TRIO: variants seen among roughly 807,000 people sequenced by gnomAD.
TRIO encodes triple functional domain protein.
Under a neutral mutation model 351.9 loss-of-function variants are expected in TRIO, and 58 were observed. The observed-to-expected ratio is 0.16, with a 90% confidence interval of 0.13 to 0.21. The LOEUF is 0.21. Among genes scored for constraint, TRIO ranks in the 10% least tolerant of loss-of-function variants. The pLI is 1.00. For missense variants in TRIO, 3,201 were observed against 4,027.8 expected (o/e 0.79, Z 5.56); for synonymous variants, 1,758 against 1,595.7 (o/e 1.10, Z -2.42).
At chr5:14,193,942 T>C (rs1175718965) in intron 1 of TRIO, among the ~76,000 whole-genome samples, 1 of 152,196 alleles carries the variant, frequency 6.6e-6, no homozygotes, top group African/African-American at 2.4e-5. Context: ...TACCTGCTCC[T>C]TTCACTAGAC....
chr5:14,439,169 T>G (rs1458463940), intron 34 of TRIO, among the ~76,000 whole-genome samples: 1 of 152,134 alleles, frequency 6.6e-6, no homozygotes, highest in Non-Finnish European at 1.5e-5. Flanking sequence ...GCATGTGCCG[T>G]CATGCCTAGC....
chr5:14,149,654 G>A (rs17232796), intron 1 of TRIO, among the ~76,000 whole-genome samples: 14,923 of 152,162 alleles, frequency 0.098, 776 homozygotes, highest in Middle Eastern at 0.19. Flanking sequence ...GTAAAACCTC[G>A]TTTTGGTGAT....
intron 21 of TRIO, 169 bp from the exon 22 acceptor site, chr5:14,387,269 C>A: frequency 1.7e-6 from 1 of 578,604 alleles, no homozygotes; most frequent in Non-Finnish European, 3.0e-6. Context: ...GATAGCTGGT[C>A]AGGAATCCGG....
At chr5:14,222,109 G>T (rs1017255998) in intron 1 of TRIO, among the ~76,000 whole-genome samples, 2 of 151,032 alleles carry the variant, frequency 1.3e-5, no homozygotes, top group African/African-American at 4.9e-5. Context: ...ACGACTCTCT[G>T]AAGGCTCAGA....
At chr5:14,433,560 A>C (rs897331068) in intron 34 of TRIO, among the ~76,000 whole-genome samples, 10 of 152,344 alleles carry the variant, frequency 6.6e-5, no homozygotes, top group Non-Finnish European at 1.2e-4. Context: ...AGGTGGCGAA[A>C]GGAAAACAGT....
chr5:14,479,658 A>AAT (rs984362443), intron 42 of TRIO, among the ~76,000 whole-genome samples: 7 of 152,152 alleles, frequency 4.6e-5, no homozygotes, highest in African/African-American at 1.4e-4. Context: ...GCCTAAAAAT[A>AAT]ATATATATAT....
At position 14,454,022 on chromosome 5, in the gene TRIO, T is replaced by A. The variant is rs181924788; in HGVS notation, c.5204-6997T>A. Among the ~76,000 whole-genome samples the A allele has an allele frequency of 9.2e-5, 14 of 152,146 alleles. No homozygotes were observed. The East Asian group carries it at 2.7e-3, about 29-fold the overall frequency. ...CTGGCTCACTGCAACCTCTGCCTCC[T>A]GGGTTCAAGCGACTCTCCTGCCTCA... is the stretch of plus-strand genomic sequence containing the variant. On this transcript the variant is annotated intron_variant, in intron 34 of 56. Transcript: ENST00000344204.
intron 16 of TRIO, 106 bp from the exon 17 acceptor site, chr5:14,368,602 A>G: frequency 7.8e-7 from 1 of 1,275,822 alleles, no homozygotes; most frequent in Non-Finnish European, 1.1e-6. Flanking sequence ...AACTGAAGGT[A>G]TTTCCACAAA....
chr5:14,391,531 A>G (rs184879486), intron 27 of TRIO, among the ~76,000 whole-genome samples: 51 of 152,372 alleles, frequency 3.3e-4, no homozygotes, highest in Middle Eastern at 3.4e-3. Flanking sequence ...GTAAACGTAG[A>G]TACAGGTCAT....
chr5:14,406,789 G>T, intron 33 of TRIO, 117 bp downstream of exon 33: 1 of 973,052 alleles, frequency 1.0e-6, no homozygotes, highest in East Asian at 2.7e-5. Flanking sequence ...CAGTTGATAC[G>T]TGCCAGGAGT....
intron 6 of TRIO, among the ~76,000 whole-genome samples, chr5:14,293,817 A>G (rs1223134108): frequency 6.6e-6 from 1 of 152,210 alleles, no homozygotes; most frequent in Non-Finnish European, 1.5e-5. Flanking sequence ...CTAAAACTGT[A>G]TGTTCTATAG....
At chr5:14,275,833 A>G (rs1470158019) in intron 2 of TRIO, among the ~76,000 whole-genome samples, 2 of 147,756 alleles carry the variant, frequency 1.4e-5, no homozygotes, top group East Asian at 1.9e-4. Flanking sequence ...ATATATATAT[A>G]CCAGAGTAAA....
chr5:14,210,869 C>T (rs541966075), intron 1 of TRIO, among the ~76,000 whole-genome samples: 2 of 152,198 alleles, frequency 1.3e-5, no homozygotes, highest in East Asian at 3.9e-4. Context: ...GTCCATCCGT[C>T]CTTATCTTGT....
intron 1 of TRIO, among the ~76,000 whole-genome samples, chr5:14,245,673 C>T (rs368422833): frequency 1.1e-4 from 17 of 152,152 alleles, no homozygotes; most frequent in African/African-American, 3.6e-4. Context: ...GTTTTTGCAC[C>T]GAGTGGACTG....
intron 3 of TRIO, among the ~76,000 whole-genome samples, chr5:14,280,850 A>G (rs1322947836): frequency 6.6e-6 from 1 of 152,232 alleles, no homozygotes; most frequent in African/African-American, 2.4e-5. Context: ...TGTAGCACGA[A>G]GTTTGTGGGG....
At chr5:14,334,176 T>C (rs1191270627) in intron 10 of TRIO, among the ~76,000 whole-genome samples, 1 of 152,038 alleles carries the variant, frequency 6.6e-6, no homozygotes, top group South Asian at 2.1e-4. Context: ...TGAGGCACAG[T>C]GTTAAGTGCC....
At position 14,292,045 on chromosome 5, in the gene TRIO, C is replaced by T. The variant is rs1331009868; in HGVS notation, c.1053+817C>T. On this transcript the variant is annotated intron_variant, in intron 5 of 56. Transcript: ENST00000344204. ...GAATCTTAGCAATGTGGAAACTGGG[C>T]ACTTACCCATAGGTATGTGTTGCAA... is the stretch of plus-strand genomic sequence containing the variant. 2.0e-5 allele frequency among the ~76,000 whole-genome samples: 3 copies of T among 152,158 alleles called. No homozygotes were observed. The East Asian group carries it at 5.8e-4, about 29-fold the overall frequency.
intron 1 of TRIO, among the ~76,000 whole-genome samples, chr5:14,201,449 A>G (rs1347135789): frequency 6.6e-6 from 1 of 152,220 alleles, no homozygotes; most frequent in Non-Finnish European, 1.5e-5. Context: ...CTAGTTAATT[A>G]CAGATAAATA....
In TRIO at chr5:14,488,309, C is replaced by A. The variant is rs894060023; in HGVS notation, c.7632+49C>A. The A allele has an allele frequency of 4.0e-6, 6 of 1,515,322 alleles. No individual in the cohort carries two copies. The Admixed American group carries it at 1.2e-4, about 30-fold the overall frequency. The allele number at this position is 1,515,322 out of a possible 1,614,324, so 93.9% of individuals were successfully genotyped here. A position where few individuals can be genotyped will look rare whatever the true frequency, so the allele number is the denominator to read the frequency against. On this transcript the variant is annotated intron_variant, in intron 48 of 56. Coordinates refer to ENST00000344204, the MANE Select transcript of TRIO (RefSeq NM_007118.4). Reference sequence around the variant, plus strand: ...CCCTCCCGCCCCCCTGCCTCTGTCCCGCCAGCTCTAAACGCCACCGCGGCT... The same window carrying A: ...CCCTCCCGCCCCCCTGCCTCTGTCCAGCCAGCTCTAAACGCCACCGCGGCT...
Sources: allele counts gnomAD v4.1 joint callset (sites outside exome capture counted in the v4.1 genomes callset), GRCh38; gene constraint gnomAD v4.1.1; transcripts MANE v1.5; gene names NCBI Gene and HGNC (gene_info 2026-07-23, HGNC 2026-07-21).